CCDC150: variants seen among roughly 807,000 people sequenced by gnomAD.
CCDC150 encodes the protein coiled-coil domain-containing protein 150.
CCDC150 carries 151 observed loss-of-function variants against 156.5 expected under a neutral mutation model. The ratio of observed to expected loss-of-function variants is 0.97; its 90% CI spans 0.85 to 1.10. CCDC150 has a LOEUF of 1.10. Ranked by LOEUF, CCDC150 falls within the 50% of genes least tolerant of loss-of-function variation. The probability of loss-of-function intolerance (pLI) is 0.00; values close to 1 mark genes in which losing one functional copy is unlikely to be tolerated. For synonymous variants in CCDC150, 452 were observed against 429.4 expected, an observed-to-expected ratio of 1.05 and a Z score of -0.65; for missense variants, 1,312 against 1,268.1, an observed-to-expected ratio of 1.03 and a Z score of -0.53.
chr2:196,694,614 G>A (rs1178072578), intron 13 of CCDC150, among the ~76,000 whole-genome samples: 1 of 151,996 alleles, frequency 6.6e-6, no homozygotes, highest in Non-Finnish European at 1.5e-5. Context: ...CTGTAATCCC[G>A]GCACTTTGTG....
chr2:196,695,810 CAAAAAAA>C (rs1281920360), intron 14 of CCDC150, among the ~76,000 whole-genome samples: 2 of 83,150 alleles, frequency 2.4e-5, no homozygotes, highest in African/African-American at 3.9e-5. Flanking sequence ...GATTCCGTCT[CAAAAAAA>C]AAAAAAAAAA....
At chr2:196,675,062 C>T (rs1694414203) in intron 10 of CCDC150, among the ~76,000 whole-genome samples, 1 of 152,106 alleles carries the variant, frequency 6.6e-6, no homozygotes, top group Non-Finnish European at 1.5e-5. Flanking sequence ...CCTAGGGTGA[C>T]TCCAGAGTCA....
At position 196,726,067 on chromosome 2, in the gene CCDC150, A is replaced by G. The variant is rs2125714263; in HGVS notation, c.2524A>G (p.Thr842Ala). ...RKQFQTERET[T>A]KKVAQREVAE... is the part of the protein sequence containing the mutation. Reference sequence around the variant, plus strand: ...GCAGTTTCAAACCGAGAGAGAAACTACAAAGAAAGTGGCACAACGGGAAGT... The same window carrying G: ...GCAGTTTCAAACCGAGAGAGAAACTGCAAAGAAAGTGGCACAACGGGAAGT... The change falls in exon 22 of 28, where the codon ACA becomes GCA. Residue 842 changes from threonine (T) to alanine (A), a missense_variant. Physicochemically the swap from Thr to Ala is moderately conservative, Grantham distance 58. Transcript: ENST00000389175. 6.2e-7 allele frequency: 1 copy of G among 1,613,182 alleles called. No individual in the cohort carries two copies. Among genetic ancestry groups the G allele is most frequent in the Admixed American group, 1.7e-5 (1 of 59,964 alleles).
Position 196,695,093 on chromosome 2 carries a change from G to C in CCDC150, c.1557G>C (p.Glu519Asp), listed in dbSNP as rs764703862. Reference sequence around the variant, plus strand: ...ATAACCTGCAGACTCTTGAAGAAGAGAATAAGCACCTGGCAGATCAAATGG... The same window carrying C: ...ATAACCTGCAGACTCTTGAAGAAGACAATAAGCACCTGGCAGATCAAATGG... Reference protein sequence around the residue: ...LTHNLQTLEEENKHLADQMAS... With the variant: ...LTHNLQTLEEDNKHLADQMAS... The change falls in exon 14 of 28, where the codon GAG becomes GAC. Residue 519 changes from glutamate to aspartate, a missense_variant. Coordinates refer to ENST00000389175, the MANE Select transcript of CCDC150 (RefSeq NM_001080539.2). 1.9e-6 allele frequency: 3 copies of C among 1,612,804 alleles called. No individual in the cohort carries two copies. The highest frequency in any genetic ancestry group is 2.5e-6 in the Non-Finnish European group (3 of 1,179,152).
intron 18 of CCDC150, chr2:196,719,254 G>A (rs184166382): frequency 3.0e-6 from 1 of 334,530 alleles, no homozygotes. Context: ...TGTGTATGCT[G>A]TAACATGACC....
chr2:196,686,733 A>G (rs1364056355), intron 13 of CCDC150, among the ~76,000 whole-genome samples: 3 of 151,860 alleles, frequency 2.0e-5, no homozygotes, highest in African/African-American at 7.3e-5. Context: ...TCACCCAGAT[A>G]TTATTATTTT....
intron 15 of CCDC150, among the ~76,000 whole-genome samples, chr2:196,709,325 A>G (rs1226048814): frequency 3.9e-5 from 6 of 152,136 alleles, no homozygotes; most frequent in Admixed American, 3.3e-4. Context: ...TGCATCACGT[A>G]GTTCTCGTGC....
At chr2:196,669,557 G>A (rs1032953101) in intron 7 of CCDC150, among the ~76,000 whole-genome samples, 3 of 151,916 alleles carry the variant, frequency 2.0e-5, no homozygotes, top group Non-Finnish European at 2.9e-5. Context: ...TGCCTTTATT[G>A]TACCTTTGTT....
chr2:196,728,776 A>G (rs1360643776), intron 22 of CCDC150, among the ~76,000 whole-genome samples: 1 of 152,150 alleles, frequency 6.6e-6, no homozygotes, highest in Non-Finnish European at 1.5e-5. Context: ...TTCTTTCTTT[A>G]TATGATCTTA....
chr2:196,721,361 T>TATATACACACACACACATATAC (rs1553567366), intron 20 of CCDC150, among the ~76,000 whole-genome samples, 161 bp from the exon 21 acceptor site: 1 of 49,814 alleles, frequency 2.0e-5, no homozygotes, highest in East Asian at 1.3e-3. Context: ...TGCATATATA[T>TATATACACACACACACATATAC]ATATATATTT....
At chr2:196,669,805 CAT>C in intron 7 of CCDC150, 26 bp from the exon 8 acceptor site, 1 of 1,468,416 alleles carries the variant, frequency 6.8e-7, no homozygotes, top group East Asian at 2.3e-5. Flanking sequence ...TTACTATTAT[CAT>C]AGTTATGTGG....
chr2:196,657,166 C>T (rs1693257551), intron 4 of CCDC150, 30 bp downstream of exon 4: 1 of 1,609,040 alleles, frequency 6.2e-7, no homozygotes, highest in Non-Finnish European at 8.5e-7. Flanking sequence ...GAAGTATAAA[C>T]ACACTGTTAT....
chr2:196,697,140 C>G (rs1183855549), intron 14 of CCDC150, among the ~76,000 whole-genome samples: 1 of 152,192 alleles, frequency 6.6e-6, no homozygotes, highest in African/African-American at 2.4e-5. Context: ...ATTCCCTTGC[C>G]TAGCATAATG....
At chr2:196,662,563 A>G (rs1408983967) in intron 5 of CCDC150, among the ~76,000 whole-genome samples, 1 of 152,184 alleles carries the variant, frequency 6.6e-6, no homozygotes, top group African/African-American at 2.4e-5. Context: ...GGCGGAGCCC[A>G]GGTGGTAGAG....
At chr2:196,653,417 C>T (rs1468879250) in intron 2 of CCDC150, among the ~76,000 whole-genome samples, 7 of 152,234 alleles carry the variant, frequency 4.6e-5, no homozygotes, top group Non-Finnish European at 8.8e-5. Flanking sequence ...TAGGACATCA[C>T]TCTTAAATCC....
intron 15 of CCDC150, among the ~76,000 whole-genome samples, chr2:196,707,808 T>C (rs772462365): frequency 3.3e-5 from 5 of 152,222 alleles, no homozygotes; most frequent in African/African-American, 1.2e-4. Flanking sequence ...TCAGTTTCCA[T>C]GTAGTTGTGC....
intron 13 of CCDC150, among the ~76,000 whole-genome samples, chr2:196,684,274 G>A (rs909352239): frequency 1.3e-5 from 2 of 152,084 alleles, no homozygotes; most frequent in Non-Finnish European, 2.9e-5. Flanking sequence ...ATCTCAAACT[G>A]TTCTTTAATT....
chr2:196,665,637 T>A lies in CCDC150; in HGVS notation c.716T>A (p.Leu239His), dbSNP rs770129722. 8 of 1,603,916 alleles carry A rather than the reference T, an allele frequency of 5.0e-6. No homozygotes were observed. The African/African-American group carries it at 1.1e-4, about 21-fold the overall frequency. ...GAGAAATCAGCATCAGCCATGCTCC[T>A]CAAAATACAAGAAATGGGATCAACA... ...SLEKSASAML[L>H]KIQEMGSTVE... The change falls in exon 6 of 28, where the codon CTC becomes CAC. Residue 239 changes from leucine (L) to histidine (H), a missense_variant. Physicochemically the swap from Leu to His is moderately conservative, Grantham distance 99. Coordinates refer to ENST00000389175, the MANE Select transcript of CCDC150 (RefSeq NM_001080539.2).
intron 15 of CCDC150, among the ~76,000 whole-genome samples, 187 bp from the exon 16 acceptor site, chr2:196,711,958 A>AT (rs1697147576): frequency 1.3e-5 from 2 of 150,698 alleles, no homozygotes; most frequent in Admixed American, 1.3e-4. Flanking sequence ...AGTGTATATC[A>AT]TTTTTTGCAT....
Sources: gnomAD v4.1 joint callset for allele counts (sites outside exome capture counted in the v4.1 genomes callset) on GRCh38, gnomAD v4.1.1 for gene constraint, MANE v1.5 for transcripts, NCBI Gene and HGNC (gene_info 2026-07-23, HGNC 2026-07-21) for gene names.